The following CHRM3 variants were observed in gnomAD, a reference collection of about 807,000 sequenced individuals.
The protein encoded by CHRM3 is muscarinic acetylcholine receptor M3.
CHRM3 carries 11 observed loss-of-function variants against 41.8 expected under a neutral mutation model. That is an observed-to-expected ratio of 0.26 (90% CI 0.17 to 0.44). The LOEUF is 0.44. Ranked by LOEUF, CHRM3 falls within the 20% of genes least tolerant of loss-of-function variation. The pLI, the probability that CHRM3 is intolerant of heterozygous loss-of-function variation, is 1.00. For synonymous variants in CHRM3, 297 were observed against 301.4 expected (o/e 0.99, Z 0.15); for missense variants, 571 against 745.4 (o/e 0.77, Z 2.72).
chr1:239,775,146 A>T (rs1667992513), intron 5 of CHRM3, among the ~76,000 whole-genome samples: 1 of 152,122 alleles, frequency 6.6e-6, no homozygotes, highest in South Asian at 2.1e-4. Flanking sequence ...TAAAAAAAAA[A>T]GTTTGTTTTA....
intron 3 of CHRM3, among the ~76,000 whole-genome samples, chr1:239,615,861 C>G (rs1467700701): frequency 6.6e-6 from 1 of 152,176 alleles, no homozygotes; most frequent in Non-Finnish European, 1.5e-5. Flanking sequence ...AGGGTACTTT[C>G]TTACATGCCA....
chr1:239,493,934 C>A (rs574184886), intron 2 of CHRM3, among the ~76,000 whole-genome samples: 1 of 152,220 alleles, frequency 6.6e-6, no homozygotes, highest in African/African-American at 2.4e-5. Flanking sequence ...CAAGGGTGAG[C>A]CAGTAATATG....
At chr1:239,654,146 T>A (rs1672493184) in intron 4 of CHRM3, among the ~76,000 whole-genome samples, 1 of 151,630 alleles carries the variant, frequency 6.6e-6, no homozygotes, top group Non-Finnish European at 1.5e-5. Context: ...AAAGAATACC[T>A]TTTGGAGAGA....
chr1:239,878,324 C>G (rs1411735513), intron 6 of CHRM3, among the ~76,000 whole-genome samples: 2 of 152,210 alleles, frequency 1.3e-5, no homozygotes, highest in East Asian at 3.9e-4. Context: ...TTATAAGGAG[C>G]ACACAAGCTA....
In CHRM3 at chr1:239,628,856, C is replaced by G. The variant is rs1195533834; in HGVS notation, c.-312-3368C>G. Reference sequence around the variant, plus strand: ...GACCCACTTGAGGAGGCAGTCTGCCCGTTCTCAGATCTCCAGCTGTGTGCT... The same window carrying G: ...GACCCACTTGAGGAGGCAGTCTGCCGGTTCTCAGATCTCCAGCTGTGTGCT... On this transcript the variant is annotated intron_variant, in intron 3 of 6. Coordinates refer to ENST00000676153, the MANE Select transcript of CHRM3 (RefSeq NM_001375978.1). 1.2e-3 allele frequency among the ~76,000 whole-genome samples: 82 copies of G among 70,220 alleles called. 1 individual carries two copies. The highest frequency in any genetic ancestry group is 2.6e-3 in the African/African-American group (37 of 14,458). 46.1% of individuals were successfully genotyped at this position (70,220 alleles called of 152,430 possible). A position where few individuals can be genotyped will look rare whatever the true frequency, so the allele number is the denominator to read the frequency against.
At chr1:239,515,021 C>G (rs1669163530) in intron 2 of CHRM3, among the ~76,000 whole-genome samples, 1 of 152,042 alleles carries the variant, frequency 6.6e-6, no homozygotes, top group South Asian at 2.1e-4. Context: ...ACATTTTTGT[C>G]AGCACATATG....
chr1:239,746,390 A>G (rs1386074479), intron 5 of CHRM3, among the ~76,000 whole-genome samples: 1 of 152,214 alleles, frequency 6.6e-6, no homozygotes, highest in East Asian at 1.9e-4. Context: ...GAAAAAACTG[A>G]AGCTCAGAGA....
At chr1:239,503,127 T>C (rs1668351066) in intron 2 of CHRM3, among the ~76,000 whole-genome samples, 1 of 152,164 alleles carries the variant, frequency 6.6e-6, no homozygotes, top group Non-Finnish European at 1.5e-5. Context: ...ACTGTCACTG[T>C]TTGTTGAAGA....
At chr1:239,599,448 A>G (rs1334222498) in intron 3 of CHRM3, among the ~76,000 whole-genome samples, 1 of 141,316 alleles carries the variant, frequency 7.1e-6, no homozygotes, top group Non-Finnish European at 1.5e-5. Flanking sequence ...TTTTTTTCTG[A>G]CACTGTATTT....
chr1:239,515,986 A>G lies in CHRM3; in HGVS notation c.-422+23179A>G, dbSNP rs115914175. On this transcript the variant is annotated intron_variant, in intron 2 of 6. Coordinates refer to ENST00000676153, the MANE Select transcript of CHRM3 (RefSeq NM_001375978.1). Reference sequence around the variant, plus strand: ...TAGGATATTATACCCCTGGTAATCTATCTTTTACTATCAAGAGCTTAGATA... The same window carrying G: ...TAGGATATTATACCCCTGGTAATCTGTCTTTTACTATCAAGAGCTTAGATA... Among the ~76,000 whole-genome samples the G allele has an allele frequency of 8.2e-3, 1,246 of 152,294 alleles. 16 individuals are homozygous for G. Among genetic ancestry groups the G allele is most frequent in the African/African-American group, 0.028 (1,147 of 41,560 alleles).
At chr1:239,627,304 A>G in intron 3 of CHRM3, among the ~76,000 whole-genome samples, 1 of 133,226 alleles carries the variant, frequency 7.5e-6, no homozygotes, top group African/African-American at 2.9e-5. Context: ...AGTCTGTTTT[A>G]TCAGAGACTA....
intron 4 of CHRM3, among the ~76,000 whole-genome samples, chr1:239,657,089 G>T (rs1485275807): frequency 2.6e-5 from 4 of 152,122 alleles, no homozygotes; most frequent in Non-Finnish European, 4.4e-5. Flanking sequence ...TTTAAATAGG[G>T]TTCTTCACAA....
At chr1:239,672,035 A>G (rs990567215) in intron 4 of CHRM3, among the ~76,000 whole-genome samples, 1 of 152,130 alleles carries the variant, frequency 6.6e-6, no homozygotes, top group African/African-American at 2.4e-5. Flanking sequence ...TATCCCAGAG[A>G]ATGAAAGGCA....
intron 6 of CHRM3, among the ~76,000 whole-genome samples, chr1:239,843,288 A>ACCT (rs1272850908): frequency 6.6e-6 from 1 of 151,744 alleles, no homozygotes; most frequent in Non-Finnish European, 1.5e-5. Context: ...TGTGGTATTC[A>ACCT]CCTCCTCTAA....
intron 5 of CHRM3, among the ~76,000 whole-genome samples, chr1:239,788,342 C>T (rs895512584): frequency 1.3e-5 from 2 of 152,178 alleles, no homozygotes; most frequent in Non-Finnish European, 2.9e-5. Context: ...AACCACCAAC[C>T]TTCAGCAATT....
chr1:239,617,570 T>G (rs1358779820), intron 3 of CHRM3, among the ~76,000 whole-genome samples: 2 of 151,914 alleles, frequency 1.3e-5, no homozygotes, highest in African/African-American at 4.8e-5. Flanking sequence ...ACAAACAAAT[T>G]TAAAATGTAA....
intron 1 of CHRM3, among the ~76,000 whole-genome samples, chr1:239,398,488 G>A (rs1038070292): frequency 1.3e-5 from 2 of 151,594 alleles, no homozygotes; most frequent in Admixed American, 6.6e-5. Flanking sequence ...TGCCCGCCTC[G>A]GCCTCCCAAA....
intron 5 of CHRM3, among the ~76,000 whole-genome samples, chr1:239,782,592 CT>C (rs1668588228): frequency 6.6e-6 from 1 of 151,996 alleles, no homozygotes; most frequent in African/African-American, 2.4e-5. Context: ...CTGATTTTCT[CT>C]TTGTAGAAAT....
intron 5 of CHRM3, among the ~76,000 whole-genome samples, chr1:239,820,595 G>T (rs556935292): frequency 1.3e-5 from 2 of 152,122 alleles, no homozygotes; most frequent in Non-Finnish European, 1.5e-5. Flanking sequence ...GGGGGAGAAA[G>T]GTGATTAGAG....
Sources: allele counts gnomAD v4.1 joint callset (sites outside exome capture counted in the v4.1 genomes callset), GRCh38; gene constraint gnomAD v4.1.1; transcripts MANE v1.5; gene names NCBI Gene and HGNC (gene_info 2026-07-23, HGNC 2026-07-21).